CHODL: variants seen among roughly 807,000 people sequenced by gnomAD.
CHODL encodes the protein chondrolectin.
A neutral mutation model predicts 34.5 loss-of-function variants in CHODL; 29 were observed. The ratio of observed to expected loss-of-function variants is 0.84; its 90% CI spans 0.63 to 1.15. CHODL has a LOEUF of 1.15. Among genes scored for constraint, CHODL ranks in the 50% most tolerant of loss-of-function variants. The pLI, the probability that CHODL is intolerant of heterozygous loss-of-function variation, is 0.00. For synonymous variants in CHODL, 125 were observed against 116.1 expected, an observed-to-expected ratio of 1.08 and a Z score of -0.49; for missense variants, 332 against 332.5, an observed-to-expected ratio of 1.00 and a Z score of 0.01.
intron 1 of CHODL, among the ~76,000 whole-genome samples, chr21:17,979,612 C>A (rs543706367): frequency 1.3e-5 from 2 of 152,148 alleles, no homozygotes; most frequent in African/African-American, 4.8e-5. Flanking sequence ...GAGTAAAGAG[C>A]GTTGGAAATT....
At chr21:18,018,799 C>G (rs2064100131) in intron 1 of CHODL, among the ~76,000 whole-genome samples, 1 of 152,180 alleles carries the variant, frequency 6.6e-6, no homozygotes, top group Non-Finnish European at 1.5e-5. Context: ...GCCTACAGTC[C>G]TACACGTGTG....
At chr21:18,099,941 G>A (rs2065191964) in intron 2 of CHODL, 1 of 152,098 alleles carries the variant, frequency 6.6e-6, no homozygotes, top group Non-Finnish European at 1.5e-5. Context: ...ACTGGCACAG[G>A]TAGATGGAGG....
intron 2 of CHODL, among the ~76,000 whole-genome samples, chr21:18,164,792 G>A (rs2073133986): frequency 6.6e-6 from 1 of 152,100 alleles, no homozygotes; most frequent in Non-Finnish European, 1.5e-5. Context: ...AAACAAAACT[G>A]TCGATTACCC....
At chr21:18,072,362 A>G (rs761927221) in intron 2 of CHODL, among the ~76,000 whole-genome samples, 2 of 152,158 alleles carry the variant, frequency 1.3e-5, no homozygotes, top group Non-Finnish European at 2.9e-5. Context: ...TAGAAATTAT[A>G]GTGAGAAATA....
chr21:18,171,772 C>T (rs1237746874), intron 2 of CHODL, among the ~76,000 whole-genome samples: 1 of 149,776 alleles, frequency 6.7e-6, no homozygotes, highest in African/African-American at 2.5e-5. Flanking sequence ...CTTGTAGTTG[C>T]TGCTGCTGTT....
chr21:17,970,595 T>G (rs1470577214), intron 1 of CHODL, among the ~76,000 whole-genome samples: 2 of 152,184 alleles, frequency 1.3e-5, no homozygotes, highest in African/African-American at 2.4e-5. Flanking sequence ...TTTTTGTTTT[T>G]TAATTTTTTT....
At chr21:18,174,243 TA>T (rs1400866153) in intron 2 of CHODL, among the ~76,000 whole-genome samples, 1 of 148,082 alleles carries the variant, frequency 6.8e-6, no homozygotes, top group Non-Finnish European at 1.5e-5. Flanking sequence ...AAAACAAACT[TA>T]AAAAATAATG....
At chr21:18,143,359 A>G (rs959365964) in intron 2 of CHODL, among the ~76,000 whole-genome samples, 1 of 152,132 alleles carries the variant, frequency 6.6e-6, no homozygotes, top group Non-Finnish European at 1.5e-5. Context: ...TTTTTCTAAC[A>G]TCTTTAACAC....
Position 18,256,530 on chromosome 21 carries a change from A to G in CHODL, c.101A>G (p.Asp34Gly). The change falls in exon 2 of 6, where the codon GAC becomes GGC. Residue 34 changes from aspartate (D) to glycine (G), a missense_variant. By Grantham distance (94) the Asp-to-Gly change is moderately conservative. Coordinates refer to ENST00000299295, the MANE Select transcript of CHODL (RefSeq NM_024944.3). ...TCAGGCCAAAAGGTGTGTTTTGCTGACTTCAAGCATCCCTGCTACAAAATG... is the reference window on the plus strand; with the variant it reads ...TCAGGCCAAAAGGTGTGTTTTGCTGGCTTCAAGCATCCCTGCTACAAAATG... The part of the protein sequence containing the change: ...VVSGQKVCFA[D>G]FKHPCYKMAY... 6.2e-7 allele frequency: 1 copy of G among 1,607,636 alleles called. No homozygotes were observed. Among genetic ancestry groups the G allele is most frequent in the Non-Finnish European group, 8.5e-7 (1 of 1,176,774 alleles).
intron 1 of CHODL, among the ~76,000 whole-genome samples, chr21:17,918,460 T>C (rs1323797207): frequency 6.6e-6 from 1 of 152,130 alleles, no homozygotes; most frequent in African/African-American, 2.4e-5. Flanking sequence ...ATGTCTTACA[T>C]GGATGGCAGC....
Position 18,041,698 on chromosome 21 carries a change from A to G in CHODL, c.-45+13727A>G, listed in dbSNP as rs541240095. Among the ~76,000 whole-genome samples, 14 of 152,068 alleles carry G rather than the reference A, an allele frequency of 9.2e-5. No individual in the cohort carries two copies. In the South Asian group the frequency reaches 2.7e-3, roughly 29 times the overall value. On this transcript the variant is annotated intron_variant, in intron 2 of 6. Transcript: ENST00000400127. Reference sequence around the variant, plus strand: ...TAGTAGACTGAATGGAATAGGCTCAATTTAAAATAACTGAGATGTCTAGTT... The same window carrying G: ...TAGTAGACTGAATGGAATAGGCTCAGTTTAAAATAACTGAGATGTCTAGTT...
intron 2 of CHODL, chr21:18,028,013 C>T (rs2064194655): frequency 6.6e-6 from 1 of 152,412 alleles, no homozygotes; most frequent in South Asian, 2.1e-4. Flanking sequence ...CTGGTCATGA[C>T]ATACTGTTAT....
At chr21:18,201,252 T>C (rs1418930923) in intron 2 of CHODL, among the ~76,000 whole-genome samples, 5 of 152,214 alleles carry the variant, frequency 3.3e-5, no homozygotes, top group African/African-American at 1.2e-4. Flanking sequence ...ATTTCACTAC[T>C]GTAAGCATGT....
chr21:18,148,793 A>G (rs1353613669), intron 2 of CHODL, among the ~76,000 whole-genome samples: 3 of 151,994 alleles, frequency 2.0e-5, no homozygotes, highest in East Asian at 3.9e-4. Context: ...ACCCAGAAGT[A>G]TATTTGTCTT....
intron 2 of CHODL, among the ~76,000 whole-genome samples, chr21:18,229,557 T>TATCG (rs2073960655): frequency 6.6e-6 from 1 of 152,154 alleles, no homozygotes; most frequent in African/African-American, 2.4e-5. Context: ...ATGTCCTATC[T>TATCG]CATTTCCTTG....
intron 5 of CHODL, among the ~76,000 whole-genome samples, chr21:18,265,723 G>C (rs9976819): frequency 0.13 from 20,257 of 152,016 alleles, 1,429 homozygotes; most frequent in Middle Eastern, 0.21. Flanking sequence ...CTCTAAATTA[G>C]GAAATGTCAA....
At chr21:18,086,170 C>A (rs1392898425) in intron 2 of CHODL, among the ~76,000 whole-genome samples, 1 of 137,370 alleles carries the variant, frequency 7.3e-6, no homozygotes, top group African/African-American at 2.7e-5. Context: ...TTTTGTATTT[C>A]TTTCAATGAA....
At chr21:18,023,426 G>T (rs158042) in intron 1 of CHODL, among the ~76,000 whole-genome samples, 17,481 of 152,040 alleles carry the variant, frequency 0.11, 1,049 homozygotes, top group Middle Eastern at 0.26. Context: ...ATGGTAGCAG[G>T]CAGGGGTGGG....
intron 2 of CHODL, among the ~76,000 whole-genome samples, chr21:18,198,146 C>T (rs1247396325): frequency 6.6e-6 from 1 of 152,096 alleles, no homozygotes; most frequent in Non-Finnish European, 1.5e-5. Flanking sequence ...TACAGTTTTA[C>T]CTAATTAGAT....
Sources: gnomAD v4.1 joint callset for allele counts (sites outside exome capture counted in the v4.1 genomes callset) on GRCh38, gnomAD v4.1.1 for gene constraint, MANE v1.5 for transcripts, NCBI Gene and HGNC (gene_info 2026-07-23, HGNC 2026-07-21) for gene names.